The following NUFIP1 variants were observed in gnomAD, a reference collection of about 807,000 sequenced individuals.
NUFIP1 encodes the protein FMR1-interacting protein NUFIP1.
A neutral mutation model predicts 56.2 loss-of-function variants in NUFIP1; 38 were observed. The ratio of observed to expected loss-of-function variants is 0.68; its 90% CI spans 0.52 to 0.89. The LOEUF is 0.89. NUFIP1 is among the 40% of genes least tolerant of loss of function. The pLI is 0.00. For missense variants in NUFIP1, 567 were observed against 605.8 expected, an observed-to-expected ratio of 0.94 and a Z score of 0.67; for synonymous variants, 215 against 212.4, an observed-to-expected ratio of 1.01 and a Z score of -0.10.
chr13:44,948,127 T>TCAAACTA (rs1427197428), intron 8 of NUFIP1, among the ~76,000 whole-genome samples: 2 of 148,142 alleles, frequency 1.4e-5, no homozygotes, highest in Non-Finnish European at 3.0e-5. Flanking sequence ...GCCATCTCCA[T>TCAAACTA]CAAACTACAT....
At chr13:44,949,343 AG>A (rs1326955932) in intron 8 of NUFIP1, among the ~76,000 whole-genome samples, 1 of 149,302 alleles carries the variant, frequency 6.7e-6, no homozygotes, top group East Asian at 2.0e-4. Context: ...CTGGGACTAC[AG>A]GCGCCCGCCA....
In NUFIP1 at chr13:44,963,532, TATTAG is replaced by T. The variant is rs997648640; in HGVS notation, c.827+2307_827+2311del. Among the ~76,000 whole-genome samples the T allele has an allele frequency of 1.6e-4, 24 of 152,312 alleles. No individual in the cohort carries two copies. In the South Asian group the frequency reaches 1.9e-3, roughly 12 times the overall value. On this transcript the variant is annotated intron_variant, in intron 6 of 9. Transcript: ENST00000379161. ...CTACAGAGTATTGATAGATATCCTT[TATTAG>T]ATTAAAGAAATTATTTTCTATTACT...
At chr13:44,981,332 A>C (rs1432172883) in intron 2 of NUFIP1, among the ~76,000 whole-genome samples, 1 of 105,430 alleles carries the variant, frequency 9.5e-6, no homozygotes, top group Non-Finnish European at 1.8e-5. Context: ...TAGAAATATC[A>C]AAAAAAAAAG....
chr13:44,965,863 A>G lies in NUFIP1; in HGVS notation c.808T>C (p.Leu270=), dbSNP rs144867457. ...KLEKEKRGAV[L]TTTQYGKMKG... ...GCTTACCCATATTGTGTTGTTGTCA[A>G]TACTGCTCCTCTCTTCTCCTTTTCA... Residue 270 remains leucine, a synonymous_variant, in exon 6 of 10, where the codon TTG becomes CTG. Coordinates refer to ENST00000379161, the MANE Select transcript of NUFIP1 (RefSeq NM_012345.3). 128 of 1,599,582 alleles carry G rather than the reference A, an allele frequency of 8.0e-5. No homozygotes were observed. The highest frequency in any genetic ancestry group is 2.2e-4 in the Admixed American group (13 of 57,840).
intron 1 of NUFIP1, among the ~76,000 whole-genome samples, chr13:44,983,996 A>C (rs1872292108): frequency 6.6e-6 from 1 of 152,164 alleles, no homozygotes; most frequent in Admixed American, 6.5e-5. Flanking sequence ...TGGCAGCACA[A>C]TAGGGACTAA....
intron 7 of NUFIP1, among the ~76,000 whole-genome samples, chr13:44,956,376 G>A (rs1031120521): frequency 1.3e-5 from 2 of 152,130 alleles, no homozygotes; most frequent in Non-Finnish European, 2.9e-5. Flanking sequence ...CGAGGGACCA[G>A]TTTTGTGGAA....
At chr13:44,972,994 A>G (rs1475938801) in intron 5 of NUFIP1, among the ~76,000 whole-genome samples, 1 of 152,248 alleles carries the variant, frequency 6.6e-6, no homozygotes, top group African/African-American at 2.4e-5. Context: ...GTTAACATAT[A>G]TTCAAAGGTT....
intron 5 of NUFIP1, among the ~76,000 whole-genome samples, chr13:44,968,215 G>A (rs562928176): frequency 1.8e-4 from 27 of 152,246 alleles, no homozygotes; most frequent in African/African-American, 6.0e-4. Context: ...CAAGGTCATA[G>A]GAGATAAAAA....
At chr13:44,973,667 T>C (rs563618680) in intron 5 of NUFIP1, among the ~76,000 whole-genome samples, 117 of 152,280 alleles carry the variant, frequency 7.7e-4, no homozygotes, top group Middle Eastern at 3.4e-3. Flanking sequence ...AGGATATCTG[T>C]GCTAAAGAGG....
chr13:44,943,313 G>A (rs1287343309), intron 9 of NUFIP1, 129 bp downstream of exon 9: 1 of 709,746 alleles, frequency 1.4e-6, no homozygotes, highest in East Asian at 2.6e-5. Context: ...AAGATACAAA[G>A]TCTCCAAGGT....
At chr13:44,949,484 A>T (rs1399433858) in intron 8 of NUFIP1, among the ~76,000 whole-genome samples, 1 of 152,078 alleles carries the variant, frequency 6.6e-6, no homozygotes, top group Non-Finnish European at 1.5e-5. Flanking sequence ...TACAGGCGTG[A>T]GCCACCGCGC....
At chr13:44,954,351 C>T (rs1326203368) in intron 7 of NUFIP1, among the ~76,000 whole-genome samples, 1 of 152,068 alleles carries the variant, frequency 6.6e-6, no homozygotes, top group Non-Finnish European at 1.5e-5. Flanking sequence ...CCATCCCCCC[C>T]TAAAAAAATC....
intron 9 of NUFIP1, among the ~76,000 whole-genome samples, chr13:44,941,927 G>T (rs189105040): frequency 4.7e-5 from 7 of 149,820 alleles, no homozygotes; most frequent in Admixed American, 4.0e-4. Flanking sequence ...TTTTTTTTGA[G>T]ACAGAGTTCC....
intron 7 of NUFIP1, among the ~76,000 whole-genome samples, chr13:44,956,011 C>A (rs1871223944): frequency 6.6e-6 from 1 of 151,638 alleles, no homozygotes; most frequent in Non-Finnish European, 1.5e-5. Context: ...GGCGAGGTGG[C>A]GGGCGCCTGT....
At chr13:44,980,189 G>A (rs1304016421) in intron 3 of NUFIP1, among the ~76,000 whole-genome samples, 2 of 152,184 alleles carry the variant, frequency 1.3e-5, no homozygotes, top group African/African-American at 2.4e-5. Context: ...TTGAGCAAAG[G>A]CATACATCAA....
chr13:44,981,674 G>A (rs569693842), intron 2 of NUFIP1, among the ~76,000 whole-genome samples: 1 of 152,064 alleles, frequency 6.6e-6, no homozygotes, highest in Non-Finnish European at 1.5e-5. Context: ...AGCCAGGTGT[G>A]GTGGTGCGCA....
Position 44,952,145 on chromosome 13 carries a change from T to G in NUFIP1, c.1022-2307A>C, listed in dbSNP as rs538997238. Among the ~76,000 whole-genome samples the G allele has an allele frequency of 1.9e-4, 29 of 152,234 alleles. No individual in the cohort carries two copies. The South Asian group carries it at 3.9e-3, about 21-fold the overall frequency. On this transcript the variant is annotated intron_variant, in intron 7 of 9. Transcript: ENST00000379161. Reference sequence around the variant, plus strand: ...CTTCAATCATCTTGATAATTCTGTTTTTTTGTTTTTGTTTTTGTTTGAGAC... The same window carrying G: ...CTTCAATCATCTTGATAATTCTGTTGTTTTGTTTTTGTTTTTGTTTGAGAC...
At chr13:44,943,290 T>C (rs1483670345) in intron 9 of NUFIP1, 152 bp downstream of exon 9, 2 of 626,262 alleles carry the variant, frequency 3.2e-6, no homozygotes, top group Non-Finnish European at 5.6e-6. Context: ...ATGCCAAATG[T>C]AGCTACAGAA....
At chr13:44,961,052 G>GAAAAAAA (rs975537873) in intron 6 of NUFIP1, among the ~76,000 whole-genome samples, 1 of 53,568 alleles carries the variant, frequency 1.9e-5, no homozygotes, top group Non-Finnish European at 4.0e-5. Context: ...TCTGTCTCCA[G>GAAAAAAA]AAAAAAAAAA....
Sources: allele counts gnomAD v4.1 joint callset (sites outside exome capture counted in the v4.1 genomes callset), GRCh38; gene constraint gnomAD v4.1.1; transcripts MANE v1.5; gene names NCBI Gene and HGNC (gene_info 2026-07-23, HGNC 2026-07-21).